FAM163A: variants seen among roughly 807,000 people sequenced by gnomAD.
FAM163A encodes family with sequence similarity 163 member A.
In FAM163A, 7 loss-of-function variants were observed where a neutral mutation model predicts 12.0. That is an observed-to-expected ratio of 0.58 (90% CI 0.33 to 1.10). FAM163A has a LOEUF of 1.10. Ranked by LOEUF, FAM163A falls within the 50% of genes least tolerant of loss-of-function variation. The probability of loss-of-function intolerance (pLI) is 0.03; values close to 1 mark genes in which losing one functional copy is unlikely to be tolerated. For missense variants in FAM163A, 202 were observed against 218.6 expected (o/e 0.92, Z 0.48); for synonymous variants, 101 against 91.0 (o/e 1.11, Z -0.62).
intron 1 of FAM163A, among the ~76,000 whole-genome samples, chr1:179,775,661 C>T (rs780861308): frequency 1.3e-5 from 2 of 152,146 alleles, no homozygotes; most frequent in Non-Finnish European, 2.9e-5. Flanking sequence ...TATAGCCTGG[C>T]ACAGTGCCTG....
chr1:179,805,950 C>A (rs1693877236), intron 1 of FAM163A, among the ~76,000 whole-genome samples: 1 of 152,218 alleles, frequency 6.6e-6, no homozygotes, highest in African/African-American at 2.4e-5. Context: ...CTCTGGGCAT[C>A]TGGAGGCCGC....
At chr1:179,801,590 T>C (rs755024416) in intron 1 of FAM163A, among the ~76,000 whole-genome samples, 4 of 152,230 alleles carry the variant, frequency 2.6e-5, no homozygotes, top group Non-Finnish European at 5.9e-5. Flanking sequence ...GGTGTATTAT[T>C]TATCTCCGTT....
At chr1:179,813,371 C>A (rs887209341) in intron 4 of FAM163A, among the ~76,000 whole-genome samples, 181 bp downstream of exon 4, 1 of 152,214 alleles carries the variant, frequency 6.6e-6, no homozygotes, top group Non-Finnish European at 1.5e-5. Flanking sequence ...AAGTGCCCCC[C>A]AGCCTGCCCA....
intron 1 of FAM163A, among the ~76,000 whole-genome samples, chr1:179,757,408 G>T (rs748270338): frequency 6.6e-6 from 1 of 152,158 alleles, no homozygotes; most frequent in African/African-American, 2.4e-5. Flanking sequence ...ATGAGTTGGG[G>T]TAATCCTGGA....
chr1:179,733,345 G>A, the FAM163A span, among the ~76,000 whole-genome samples: 1,419 of 152,240 alleles, frequency 9.3e-3, 23 homozygotes, highest in African/African-American at 0.031. Context: ...TGTTTTTGCA[G>A]TATGATTATT....
At chr1:179,748,395 A>G (rs1684810060) in intron 1 of FAM163A, among the ~76,000 whole-genome samples, 1 of 152,214 alleles carries the variant, frequency 6.6e-6, no homozygotes, top group Non-Finnish European at 1.5e-5. Context: ...AGGGAGCCCT[A>G]TTAGTTTTTA....
chr1:179,745,421 G>A (rs1684332305), intron 1 of FAM163A, among the ~76,000 whole-genome samples: 1 of 152,154 alleles, frequency 6.6e-6, no homozygotes, highest in Non-Finnish European at 1.5e-5. Flanking sequence ...AACATCAGCT[G>A]GTAACAGGGG....
the FAM163A span, among the ~76,000 whole-genome samples, chr1:179,729,758 C>T: frequency 0.016 from 2,422 of 152,292 alleles, 71 homozygotes; most frequent in African/African-American, 0.055. Context: ...AATACCACAG[C>T]GAAGTTTACT....
At position 179,777,417 on chromosome 1, in the gene FAM163A, C is replaced by T. The variant is rs956836681; in HGVS notation, c.-135-30381C>T. Among the ~76,000 whole-genome samples the T allele has an allele frequency of 1.7e-4, 26 of 152,120 alleles. 2 individuals carry two copies. The highest frequency in any genetic ancestry group is 1.5e-5 in the Non-Finnish European group (1 of 68,022). On this transcript the variant is annotated intron_variant, in intron 1 of 4. Transcript: ENST00000341785. ...GTAAAAACATAAAAAGGCAGAAATG[C>T]TGTGGGTGAGTTAGACAAGGAGGCC...
intron 1 of FAM163A, among the ~76,000 whole-genome samples, chr1:179,747,551 A>G (rs1684667119): frequency 1.3e-5 from 2 of 152,204 alleles, no homozygotes; most frequent in African/African-American, 2.4e-5. Context: ...TCTATGTTTC[A>G]GTCACTCTGC....
intron 1 of FAM163A, among the ~76,000 whole-genome samples, chr1:179,756,780 G>A (rs1399105295): frequency 6.6e-6 from 1 of 152,134 alleles, no homozygotes; most frequent in Non-Finnish European, 1.5e-5. Context: ...GGAACAGGAA[G>A]TAAGGCCTGA....
At chr1:179,733,167 C>T in the FAM163A span, among the ~76,000 whole-genome samples, 1 of 152,146 alleles carries the variant, frequency 6.6e-6, no homozygotes, top group Admixed American at 6.5e-5. Context: ...TAGCATCCCC[C>T]ACATGTACAA....
chr1:179,743,345 T>C lies in FAM163A; in HGVS notation c.-214T>C, dbSNP rs2504036. The C allele has an allele frequency of 1.3e-5, 2 of 152,268 alleles. No individual in the cohort carries two copies. Among genetic ancestry groups the C allele is most frequent in the Non-Finnish European group, 2.9e-5 (2 of 68,128 alleles). The allele number at this position is 152,268 out of a possible 1,614,324, so 9.4% of individuals were successfully genotyped here. Reference sequence around the variant, plus strand: ...GCCTCACGTGTGCCGCCCCAGCCGCTGGCGCCCGGAAGGACGCGCTGCGAC... The same window carrying C: ...GCCTCACGTGTGCCGCCCCAGCCGCCGGCGCCCGGAAGGACGCGCTGCGAC... On this transcript the variant is annotated 5_prime_UTR_variant, in exon 1 of 5. Coordinates refer to ENST00000341785, the MANE Select transcript of FAM163A (RefSeq NM_173509.3).
intron 3 of FAM163A, 125 bp from the exon 4 acceptor site, chr1:179,812,951 C>G: frequency 1.2e-6 from 1 of 840,008 alleles, no homozygotes; most frequent in East Asian, 2.7e-5. Flanking sequence ...GGGGCCTGGC[C>G]CTCCCGGCAC....
At chr1:179,781,155 A>G (rs1442197314) in intron 1 of FAM163A, among the ~76,000 whole-genome samples, 1 of 152,126 alleles carries the variant, frequency 6.6e-6, no homozygotes, top group Non-Finnish European at 1.5e-5. Flanking sequence ...AGAGAGGAGC[A>G]TGGGGCCTGA....
chr1:179,801,294 C>T (rs1182597809), intron 1 of FAM163A, among the ~76,000 whole-genome samples: 1 of 152,166 alleles, frequency 6.6e-6, no homozygotes, highest in Non-Finnish European at 1.5e-5. Flanking sequence ...ACCCCTGAGC[C>T]TCAGCTGGTT....
chr1:179,796,132 TACACACACACACACACAC>T (rs35899165), intron 1 of FAM163A, among the ~76,000 whole-genome samples: 1 of 145,376 alleles, frequency 6.9e-6, no homozygotes, highest in Non-Finnish European at 1.5e-5. Flanking sequence ...CATTCAATAA[TACACACACACACACACAC>T]ACACACACAC....
chr1:179,808,438 G>A (rs1694252135), intron 2 of FAM163A, among the ~76,000 whole-genome samples: 1 of 152,156 alleles, frequency 6.6e-6, no homozygotes, highest in Non-Finnish European at 1.5e-5. Context: ...CATCCCAAAG[G>A]TCAACTGGAG....
chr1:179,799,768 C>G (rs1692898097), intron 1 of FAM163A, among the ~76,000 whole-genome samples: 1 of 152,236 alleles, frequency 6.6e-6, no homozygotes. Flanking sequence ...GCAGAGCAGA[C>G]AGACCTGTGA....
Sources: gnomAD v4.1 joint callset for allele counts (sites outside exome capture counted in the v4.1 genomes callset) on GRCh38, gnomAD v4.1.1 for gene constraint, MANE v1.5 for transcripts, NCBI Gene and HGNC (gene_info 2026-07-23, HGNC 2026-07-21) for gene names.